Variants in PCDHGA3 observed in about 807,000 individuals in gnomAD.
PCDHGA3 encodes protocadherin gamma subfamily A, 3.
In PCDHGA3, 40 loss-of-function variants were observed where a neutral mutation model predicts 58.5. That is an observed-to-expected ratio of 0.68 (90% CI 0.53 to 0.89). The LOEUF (loss-of-function observed/expected upper bound fraction) is 0.89. Among genes scored for constraint, PCDHGA3 ranks in the 40% least tolerant of loss-of-function variants. PCDHGA3 has a pLI of 0.00. For synonymous variants in PCDHGA3, 530 were observed against 525.7 expected (o/e 1.01, Z -0.11); for missense variants, 1,223 against 1,195.9 (o/e 1.02, Z -0.33).
intron 1 of PCDHGA3, chr5:141,478,917 T>A: frequency 1.3e-6 from 1 of 772,666 alleles, no homozygotes; most frequent in Middle Eastern, 3.9e-4. Flanking sequence ...TGGATACCTC[T>A]AACCAGTGGC....
chr5:141,422,286 T>C, intron 1 of PCDHGA3: 2 of 1,554,938 alleles, frequency 1.3e-6, no homozygotes, highest in Non-Finnish European at 1.7e-6. Flanking sequence ...TCACCTCTTC[T>C]ATTAATTCAA....
intron 1 of PCDHGA3, chr5:141,366,464 C>T (rs770814147): frequency 6.2e-7 from 1 of 1,614,226 alleles, no homozygotes; most frequent in Non-Finnish European, 8.5e-7. Flanking sequence ...CATCGTGCTG[C>T]TGGTGCTCAG....
At chr5:141,421,718 G>C (rs778263773) in intron 1 of PCDHGA3, 1 of 1,613,966 alleles carries the variant, frequency 6.2e-7, no homozygotes, top group Middle Eastern at 1.7e-4. Context: ...CCAGATGTGG[G>C]CGTGAACTCC....
chr5:141,366,170 C>A lies in PCDHGA3; in HGVS notation c.2424+19713C>A, dbSNP rs757055364. 12 of 1,614,082 alleles carry A rather than the reference C, an allele frequency of 7.4e-6. No individual in the cohort carries two copies. The South Asian group carries it at 1.1e-4, about 15-fold the overall frequency. On this transcript the variant is annotated intron_variant, in intron 1 of 3. Coordinates refer to ENST00000253812, the MANE Select transcript of PCDHGA3 (RefSeq NM_018916.4). ...CTACCGCCTGCTTAAGGCCAGCGAG[C>A]CAGGACTCTTTGCGGTTGGGCTGCA...
chr5:141,413,921 C>G, intron 1 of PCDHGA3: 2 of 1,613,360 alleles, frequency 1.2e-6, no homozygotes, highest in Middle Eastern at 1.6e-4. Flanking sequence ...TTCACCTTGC[C>G]AGAATACCGA....
chr5:141,441,359 G>T (rs932747576), intron 1 of PCDHGA3: 1 of 152,522 alleles, frequency 6.6e-6, no homozygotes, highest in Non-Finnish European at 1.5e-5. Flanking sequence ...TGTAACAAAT[G>T]GGGCCGTGGA....
At chr5:141,356,124 T>C (rs1402643730) in intron 1 of PCDHGA3, 3 of 1,613,758 alleles carry the variant, frequency 1.9e-6, no homozygotes, top group Non-Finnish European at 2.5e-6. Flanking sequence ...GGGGTCTAGA[T>C]TATGAGGACT....
At chr5:141,383,430 C>T in intron 1 of PCDHGA3, 1 of 1,614,016 alleles carries the variant, frequency 6.2e-7, no homozygotes, top group Non-Finnish European at 8.5e-7. Context: ...CCAATCGCCA[C>T]TTCTCCCTGG....
At chr5:141,468,836 A>G (rs1286137807) in intron 1 of PCDHGA3, among the ~76,000 whole-genome samples, 1 of 152,170 alleles carries the variant, frequency 6.6e-6, no homozygotes, top group East Asian at 1.9e-4. Flanking sequence ...ACTGCACTCC[A>G]GCCTGGGCAA....
chr5:141,469,756 A>G (rs2099210350), intron 1 of PCDHGA3, among the ~76,000 whole-genome samples: 1 of 152,252 alleles, frequency 6.6e-6, no homozygotes. Context: ...ACAAAAATAC[A>G]TATATACCAG....
chr5:141,469,213 G>C (rs866405809), intron 1 of PCDHGA3, among the ~76,000 whole-genome samples: 4 of 150,912 alleles, frequency 2.7e-5, no homozygotes, highest in African/African-American at 9.7e-5. Flanking sequence ...TGAAGTTGAG[G>C]CTTCAGTGAG....
intron 2 of PCDHGA3, among the ~76,000 whole-genome samples, chr5:141,500,329 C>G (rs1384834356): frequency 6.6e-6 from 1 of 151,986 alleles, no homozygotes; most frequent in Non-Finnish European, 1.5e-5. Flanking sequence ...CTGCCTCAGC[C>G]TCCAGAATAG....
At chr5:141,436,950 C>A (rs894702404) in intron 1 of PCDHGA3, among the ~76,000 whole-genome samples, 3 of 152,138 alleles carry the variant, frequency 2.0e-5, no homozygotes, top group African/African-American at 7.2e-5. Flanking sequence ...ATAGTGAAAT[C>A]TAAACAAGGA....
Position 141,356,228 on chromosome 5 carries a change from A to G in PCDHGA3, c.2424+9771A>G, listed in dbSNP as rs767896442. ...GTGACAGTTCTGGATGAAAATGACA[A>G]CGCACCAGAAGTCACAGTTACATCT... On this transcript the variant is annotated intron_variant, in intron 1 of 3. Coordinates refer to ENST00000253812, the MANE Select transcript of PCDHGA3 (RefSeq NM_018916.4). 11 of 1,593,694 alleles carry G rather than the reference A, an allele frequency of 6.9e-6. No homozygotes were observed. The highest frequency in any genetic ancestry group is 1.8e-5 in the Admixed American group (1 of 56,356).
chr5:141,374,518 C>T (rs766036470), intron 1 of PCDHGA3: 2 of 1,612,420 alleles, frequency 1.2e-6, no homozygotes, highest in South Asian at 1.1e-5. Flanking sequence ...TTCTCGAAAA[C>T]GCAGCTCCAT....
chr5:141,344,139 T>G lies in PCDHGA3; in HGVS notation c.106T>G (p.Ser36Ala). ...TGSGQIRYSV[S>A]EELDKGSFVG... The stretch of plus-strand genomic sequence containing the variant: ...ATCCGGTCAGATCCGCTACTCGGTG[T>G]CTGAGGAGCTAGATAAAGGTTCCTT... Residue 36 changes from serine to alanine, a missense_variant, in exon 1 of 4, where the codon TCT becomes GCT. Around this residue, in one of 3 missense-constraint regions of PCDHGA3, gnomAD observed 791 missense variants for 708.5 expected, o/e 1.12. Transcript: ENST00000253812. The G allele has an allele frequency of 1.2e-6, 2 of 1,613,980 alleles. No homozygotes were observed. The highest frequency in any genetic ancestry group is 1.7e-6 in the Non-Finnish European group (2 of 1,179,882).
chr5:141,360,389 T>C (rs1241447877), intron 1 of PCDHGA3: 1 of 1,613,908 alleles, frequency 6.2e-7, no homozygotes, highest in East Asian at 2.2e-5. Flanking sequence ...GGAGACTTAC[T>C]TGTGAGTGAC....
chr5:141,409,552 A>G, intron 1 of PCDHGA3: 8 of 1,613,962 alleles, frequency 5.0e-6, no homozygotes, highest in Non-Finnish European at 6.8e-6. Flanking sequence ...ACAACGCCCC[A>G]GTTTTCGACC....
intron 1 of PCDHGA3, chr5:141,388,917 G>C: frequency 6.2e-7 from 1 of 1,614,026 alleles, no homozygotes. Flanking sequence ...CGCCCCAGAA[G>C]TGATATTCCA....
Sources: allele counts gnomAD v4.1 joint callset (sites outside exome capture counted in the v4.1 genomes callset), GRCh38; gene constraint gnomAD v4.1.1; regional missense constraint gnomAD v4.1.1; transcripts MANE v1.5; gene names NCBI Gene and HGNC (gene_info 2026-07-23, HGNC 2026-07-21).